Variants in CRYL1 observed in about 807,000 individuals in gnomAD.
CRYL1 encodes lambda-crystallin homolog.
In CRYL1, 29 loss-of-function variants were observed where a neutral mutation model predicts 36.6. The observed-to-expected ratio is 0.79, with a 90% CI of 0.59 to 1.08. The LOEUF is 1.08. CRYL1 is among the 50% of genes least tolerant of loss of function. The pLI, the probability that CRYL1 is intolerant of heterozygous loss-of-function variation, is 0.00. For missense variants in CRYL1, 411 were observed against 407.9 expected, an observed-to-expected ratio of 1.01 and a Z score of -0.06; for synonymous variants, 152 against 151.5, an observed-to-expected ratio of 1.00 and a Z score of -0.02.
chr13:20,462,445 G>A (rs1176883053), intron 3 of CRYL1, among the ~76,000 whole-genome samples: 2 of 149,456 alleles, frequency 1.3e-5, no homozygotes, highest in African/African-American at 2.5e-5. Context: ...GGAAGAGAAC[G>A]GTATTTTAAT....
chr13:20,412,892 G>T (rs1194872281), intron 6 of CRYL1, among the ~76,000 whole-genome samples: 1 of 152,184 alleles, frequency 6.6e-6, no homozygotes, highest in African/African-American at 2.4e-5. Flanking sequence ...ATCCAGCAGA[G>T]GTCCCTGTGG....
At chr13:20,428,677 T>A (rs1483421772) in intron 5 of CRYL1, among the ~76,000 whole-genome samples, 6 of 152,182 alleles carry the variant, frequency 3.9e-5, no homozygotes, top group Non-Finnish European at 8.8e-5. Context: ...CGTCCTTCCA[T>A]CCTGCTCTAG....
intron 1 of CRYL1, among the ~76,000 whole-genome samples, chr13:20,516,279 T>A (rs897119305): frequency 2.0e-5 from 3 of 151,944 alleles, no homozygotes; most frequent in Non-Finnish European, 2.9e-5. Context: ...AATATTTTTT[T>A]AAAAAAATGA....
At chr13:20,518,099 G>A (rs944306084) in intron 1 of CRYL1, among the ~76,000 whole-genome samples, 3 of 151,948 alleles carry the variant, frequency 2.0e-5, no homozygotes, top group African/African-American at 4.8e-5. Context: ...TGAAAAATAC[G>A]AGATAACGGT....
chr13:20,416,014 C>G (rs1339625906), intron 5 of CRYL1, among the ~76,000 whole-genome samples: 2 of 152,196 alleles, frequency 1.3e-5, no homozygotes, highest in Non-Finnish European at 2.9e-5. Context: ...GTCACGCGCA[C>G]AGGGCCCGGG....
chr13:20,421,496 GGGCTCCAGT>G (rs1314182230), intron 5 of CRYL1, among the ~76,000 whole-genome samples: 2 of 152,126 alleles, frequency 1.3e-5, no homozygotes, highest in East Asian at 3.9e-4. Flanking sequence ...ATGGCCCATA[GGGCTCCAGT>G]GGCCTCTCAC....
chr13:20,436,015 G>A, intron 4 of CRYL1, among the ~76,000 whole-genome samples: 1 of 152,228 alleles, frequency 6.6e-6, no homozygotes, highest in Admixed American at 6.5e-5. Flanking sequence ...GACGCACAGA[G>A]CACGGGCGCT....
In CRYL1 at chr13:20,480,076, G is replaced by A. The variant is rs139043523; in HGVS notation, c.276+9294C>T. Among the ~76,000 whole-genome samples the A allele has an allele frequency of 1.4e-3, 207 of 152,286 alleles. 1 individual carries two copies. Among genetic ancestry groups the A allele is most frequent in the Middle Eastern group, 6.8e-3 (2 of 294 alleles). On this transcript the variant is annotated intron_variant, in intron 3 of 7. Transcript: ENST00000298248. ...CCAGACTTAAAGACATTATGAAGAA[G>A]AAACATTTACTTCTTTGAAAAAATG... is the stretch of plus-strand genomic sequence containing the variant.
chr13:20,483,111 C>T (rs9552196), intron 3 of CRYL1, among the ~76,000 whole-genome samples: 55,165 of 151,798 alleles, frequency 0.36, 11,253 homozygotes, highest in African/African-American at 0.56. Context: ...CTAGAAGGAG[C>T]AAGGTCTAGC....
chr13:20,449,920 A>C (rs1218869337), intron 3 of CRYL1, among the ~76,000 whole-genome samples: 1 of 152,206 alleles, frequency 6.6e-6, no homozygotes, highest in Non-Finnish European at 1.5e-5. Context: ...AGAACTAAAA[A>C]ACACTGCCAC....
intron 5 of CRYL1, among the ~76,000 whole-genome samples, chr13:20,421,455 A>T (rs1003267049): frequency 6.6e-6 from 1 of 152,126 alleles, no homozygotes; most frequent in Non-Finnish European, 1.5e-5. Context: ...CCTACTCCCC[A>T]CATCTTTACC....
At chr13:20,454,202 C>A (rs763030526) in intron 3 of CRYL1, among the ~76,000 whole-genome samples, 3 of 152,086 alleles carry the variant, frequency 2.0e-5, no homozygotes, top group African/African-American at 4.8e-5. Flanking sequence ...GAAAAAAAAT[C>A]TATTCCAAAC....
chr13:20,502,982 TCATGCCGGAAGCACG>T (rs1446965480), intron 2 of CRYL1, among the ~76,000 whole-genome samples: 14 of 151,592 alleles, frequency 9.2e-5, no homozygotes, highest in African/African-American at 1.5e-4. Flanking sequence ...GCACACAGGA[TCATGCCGGAAGCACG>T]CAGGATCATA....
intron 1 of CRYL1, among the ~76,000 whole-genome samples, chr13:20,524,497 C>A (rs1282530305): frequency 2.6e-5 from 4 of 152,080 alleles, no homozygotes. Context: ...CCTGCCTCAG[C>A]CTCCCGAGTA....
At position 20,435,092 on chromosome 13, in the gene CRYL1, A is replaced by AT. The variant is rs1189562759; in HGVS notation, c.439-2797_439-2796insA. ...TGTGGAAAGTTAGTGTTTCATGGGT[A>AT]GGAGGTTCAGTCTTATAAGAGGAGA... On this transcript the variant is annotated intron_variant, in intron 4 of 7. Transcript: ENST00000298248. The surrounding 1 kb of genome is among the most constrained non-coding windows in gnomAD (Gnocchi z 4.0). 6.6e-6 allele frequency among the ~76,000 whole-genome samples: 1 copy of AT among 152,156 alleles called. No homozygotes were observed. Among genetic ancestry groups the AT allele is most frequent in the Non-Finnish European group, 1.5e-5 (1 of 68,040 alleles).
chr13:20,467,194 A>G (rs1390007611), intron 3 of CRYL1, among the ~76,000 whole-genome samples: 7 of 150,624 alleles, frequency 4.6e-5, no homozygotes, highest in East Asian at 2.0e-4. Context: ...TGATCTGCCC[A>G]CCTCGGCCTC....
chr13:20,489,364 A>C lies in CRYL1; in HGVS notation c.276+6T>G, dbSNP rs573542787. 28 of 1,612,738 alleles carry C rather than the reference A, an allele frequency of 1.7e-5. No individual in the cohort carries two copies. Among genetic ancestry groups the C allele is most frequent in the Non-Finnish European group, 2.1e-5 (25 of 1,179,968 alleles). On this transcript the variant is annotated splice_donor_region_variant and intron_variant, in intron 3 of 7. Transcript: ENST00000298248. ...CACAGATGCGGCGCCAGTGTCCTTC[A>C]CTCACCTGAATGTGCATGGCACCCT...
At chr13:20,523,662 A>G (rs1191420796) in intron 1 of CRYL1, among the ~76,000 whole-genome samples, 2 of 152,110 alleles carry the variant, frequency 1.3e-5, no homozygotes, top group Admixed American at 6.6e-5. Flanking sequence ...GGAAGGGAAG[A>G]AACCAGCACT....
chr13:20,523,012 G>A (rs1349965055), intron 1 of CRYL1, among the ~76,000 whole-genome samples: 3 of 136,112 alleles, frequency 2.2e-5, no homozygotes, highest in East Asian at 2.3e-4. Flanking sequence ...CGCCTCCTGA[G>A]TTCAAGCGAT....
Sources: gnomAD v4.1 joint callset for allele counts (sites outside exome capture counted in the v4.1 genomes callset) on GRCh38, gnomAD v4.1.1 for gene constraint, Gnocchi (gnomAD v3.1) non-coding constraint, MANE v1.5 for transcripts, NCBI Gene and HGNC (gene_info 2026-07-23, HGNC 2026-07-21) for gene names.